GRID2: variants seen among roughly 807,000 people sequenced by gnomAD.
GRID2 encodes the protein glutamate ionotropic receptor delta type subunit 2.
A neutral mutation model predicts 114.8 loss-of-function variants in GRID2; 33 were observed. The ratio of observed to expected loss-of-function variants is 0.29; its 90% CI spans 0.22 to 0.38. GRID2 has a LOEUF of 0.38. GRID2 is among the 10% of genes least tolerant of loss of function. GRID2 has a pLI of 1.00. For synonymous variants in GRID2, 505 were observed against 449.9 expected (o/e 1.12, Z -1.55); for missense variants, 1,184 against 1,257.7 (o/e 0.94, Z 0.89).
intron 8 of GRID2, among the ~76,000 whole-genome samples, chr4:93,316,291 C>CGAAAGAATGAAA (rs1282459325): frequency 6.5e-5 from 5 of 77,122 alleles, no homozygotes; most frequent in Non-Finnish European, 1.3e-4. Flanking sequence ...AACGAAAGAA[C>CGAAAGAATGAAA]GAAAGAAAGA....
chr4:93,146,470 T>G (rs1736268391), intron 4 of GRID2, among the ~76,000 whole-genome samples: 1 of 152,192 alleles, frequency 6.6e-6, no homozygotes, highest in African/African-American at 2.4e-5. Flanking sequence ...GAATGAAAGC[T>G]TTTCATGTGT....
At chr4:93,651,143 C>A (rs1722545472) in intron 14 of GRID2, among the ~76,000 whole-genome samples, 1 of 152,084 alleles carries the variant, frequency 6.6e-6, no homozygotes, top group South Asian at 2.1e-4. Flanking sequence ...AAATAATGAG[C>A]CAATTCATAT....
At chr4:92,735,990 C>A (rs566598491) in intron 2 of GRID2, among the ~76,000 whole-genome samples, 1 of 151,296 alleles carries the variant, frequency 6.6e-6, no homozygotes, top group African/African-American at 2.4e-5. Context: ...ACAGAAAAAG[C>A]CCCCCCAAAG....
At chr4:93,693,954 G>C (rs1343512861) in intron 14 of GRID2, among the ~76,000 whole-genome samples, 36 of 152,148 alleles carry the variant, frequency 2.4e-4, no homozygotes, top group Admixed American at 2.4e-3. Context: ...CAGGAAATGT[G>C]ATTGTAAAAC....
intron 3 of GRID2, among the ~76,000 whole-genome samples, chr4:93,106,420 C>T (rs142420906): frequency 0.022 from 3,423 of 152,230 alleles, 41 homozygotes; most frequent in Middle Eastern, 0.054. Context: ...CATCTCGGCT[C>T]ACTGCAACCT....
chr4:92,458,754 C>G (rs1166043709), intron 1 of GRID2, among the ~76,000 whole-genome samples: 1 of 152,090 alleles, frequency 6.6e-6, no homozygotes, highest in Admixed American at 6.6e-5. Flanking sequence ...TAAGAAGTTG[C>G]TACATGTAAA....
chr4:92,692,844 G>A (rs1211401928), intron 2 of GRID2, among the ~76,000 whole-genome samples: 4 of 151,846 alleles, frequency 2.6e-5, no homozygotes, highest in Admixed American at 6.6e-5. Context: ...CCAACATGGC[G>A]AAACCCCATC....
chr4:93,043,450 G>T (rs1020965571), intron 2 of GRID2, among the ~76,000 whole-genome samples: 1 of 152,086 alleles, frequency 6.6e-6, no homozygotes, highest in African/African-American at 2.4e-5. Context: ...AAAGAGTAGA[G>T]AGCACAAAGT....
intron 7 of GRID2, among the ~76,000 whole-genome samples, chr4:93,230,816 T>C (rs551538501): frequency 8.7e-4 from 133 of 152,288 alleles, no homozygotes; most frequent in Non-Finnish European, 1.4e-3. Flanking sequence ...ATTAATATTA[T>C]ATAAACCCTA....
At chr4:92,397,521 G>C (rs1730556691) in intron 1 of GRID2, among the ~76,000 whole-genome samples, 1 of 151,766 alleles carries the variant, frequency 6.6e-6, no homozygotes, top group Non-Finnish European at 1.5e-5. Context: ...TGAAGATCAA[G>C]AGAAAGAAAA....
chr4:93,077,723 A>G (rs4303949), intron 2 of GRID2, among the ~76,000 whole-genome samples: 56,517 of 151,916 alleles, frequency 0.37, 10,899 homozygotes, highest in Admixed American at 0.52. Flanking sequence ...TGCAATTGCT[A>G]TATCTTCTAT....
chr4:92,359,184 C>T (rs1728487802), intron 1 of GRID2, among the ~76,000 whole-genome samples: 1 of 151,890 alleles, frequency 6.6e-6, no homozygotes. Flanking sequence ...CCTCTTCCTT[C>T]AGTACTCACC....
chr4:93,139,774 A>ATT (rs1735593292), intron 4 of GRID2, among the ~76,000 whole-genome samples: 1 of 152,062 alleles, frequency 6.6e-6, no homozygotes, highest in South Asian at 2.1e-4. Context: ...ATTCACACAC[A>ATT]GACACACATA....
chr4:93,224,828 ATTTT>A, intron 7 of GRID2, 53 bp downstream of exon 7: 5 of 1,306,856 alleles, frequency 3.8e-6, no homozygotes, highest in South Asian at 2.6e-5. Flanking sequence ...TATTTGACAT[ATTTT>A]AGAAAAAGGG....
intron 9 of GRID2, among the ~76,000 whole-genome samples, chr4:93,419,594 G>A (rs1768065685): frequency 6.6e-6 from 1 of 151,918 alleles, no homozygotes; most frequent in South Asian, 2.1e-4. Flanking sequence ...AAGAATGATA[G>A]GATGCAATGA....
At chr4:92,426,786 C>T (rs549280066) in intron 1 of GRID2, among the ~76,000 whole-genome samples, 2 of 152,014 alleles carry the variant, frequency 1.3e-5, no homozygotes, top group Non-Finnish European at 2.9e-5. Flanking sequence ...CCTGAAGGGA[C>T]CTTCTCTCTC....
At chr4:93,329,697 G>T (rs1758227622) in intron 8 of GRID2, among the ~76,000 whole-genome samples, 1 of 152,094 alleles carries the variant, frequency 6.6e-6, no homozygotes, top group Non-Finnish European at 1.5e-5. Context: ...TAAATCTCAA[G>T]AGGATACCAC....
At chr4:93,203,968 T>A (rs1579281606) in intron 4 of GRID2, 1 of 152,284 alleles carries the variant, frequency 6.6e-6, no homozygotes, top group East Asian at 1.9e-4. Flanking sequence ...TGTAATACCC[T>A]GCAGTGGAGG....
intron 12 of GRID2, among the ~76,000 whole-genome samples, chr4:93,514,352 T>A (rs1302896993): frequency 6.6e-6 from 1 of 151,916 alleles, no homozygotes; most frequent in Non-Finnish European, 1.5e-5. Context: ...ATTCTGAATA[T>A]GTTTTCAGCT....
Sources: gnomAD v4.1 joint callset for allele counts (sites outside exome capture counted in the v4.1 genomes callset) on GRCh38, gnomAD v4.1.1 for gene constraint, MANE v1.5 for transcripts, NCBI Gene and HGNC (gene_info 2026-07-23, HGNC 2026-07-21) for gene names.